The following FASTKD3 variants were observed in gnomAD, a reference collection of about 807,000 sequenced individuals.
FASTKD3 encodes FAST kinase domain-containing protein 3, mitochondrial.
In FASTKD3, 47 loss-of-function variants were observed where a neutral mutation model predicts 49.7. The ratio of observed to expected loss-of-function variants is 0.95; its 90% CI spans 0.75 to 1.21. The LOEUF (loss-of-function observed/expected upper bound fraction) is 1.21, where lower values mean the gene tolerates loss of function less well. Ranked by LOEUF, FASTKD3 falls within the 50% of genes most tolerant of loss-of-function variation. FASTKD3 has a pLI of 0.00. For missense variants in FASTKD3, 748 were observed against 765.7 expected, an observed-to-expected ratio of 0.98 and a Z score of 0.27; for synonymous variants, 284 against 288.6, an observed-to-expected ratio of 0.98 and a Z score of 0.16.
chr5:7,863,286 G>C (rs1359711908), intron 3 of FASTKD3: 1 of 351,150 alleles, frequency 2.8e-6, no homozygotes, highest in African/African-American at 2.2e-5. Flanking sequence ...TGAGGAGAGA[G>C]TGAGAAGAAA....
At chr5:7,861,288 T>C in intron 5 of FASTKD3, 25 bp from the exon 6 acceptor site, 1 of 1,319,182 alleles carries the variant, frequency 7.6e-7, no homozygotes, top group Non-Finnish European at 1.0e-6. Flanking sequence ...AGGAGAAAAA[T>C]ACTTAATTTT....
At chr5:7,866,553 T>G in intron 2 of FASTKD3, 93 bp downstream of exon 2, 1 of 953,792 alleles carries the variant, frequency 1.0e-6, no homozygotes, top group South Asian at 1.6e-5. Flanking sequence ...GAAGAAAAAC[T>G]AAAGGCAACA....
chr5:7,866,330 ATAC>A (rs1561104781), intron 2 of FASTKD3, among the ~76,000 whole-genome samples: 14 of 129,352 alleles, frequency 1.1e-4, no homozygotes, highest in Non-Finnish European at 1.5e-4. Flanking sequence ...AAAAAAAAAG[ATAC>A]AGTTGCTCAC....
intron 3 of FASTKD3, among the ~76,000 whole-genome samples, chr5:7,864,678 T>C (rs1579547926): frequency 1.3e-5 from 2 of 152,252 alleles, no homozygotes; most frequent in East Asian, 3.9e-4. Context: ...AACTTAAATA[T>C]ATGATATGAT....
chr5:7,867,786 G>C lies in FASTKD3; in HGVS notation c.298C>G (p.Gln100Glu). The change falls in exon 2 of 7, where the codon CAG becomes GAG. Residue 100 changes from glutamine (Q) to glutamate (E), a missense_variant. Around this residue, in one of 3 missense-constraint regions of FASTKD3, gnomAD observed 564 missense variants for 562.8 expected, o/e 1.00. Coordinates refer to ENST00000264669, the MANE Select transcript of FASTKD3 (RefSeq NM_024091.4). The part of the protein sequence containing the change: ...LEQNVKNEES[Q>E]MFYRRLSNLT... ...TTGCTCAGTCTCCTGTAAAACATCTGACTCTCCTCATTTTTAACATTTTGT... is the reference window on the plus strand; with the variant it reads ...TTGCTCAGTCTCCTGTAAAACATCTCACTCTCCTCATTTTTAACATTTTGT... 1 of 1,614,160 alleles carries C rather than the reference G, an allele frequency of 6.2e-7. No individual in the cohort carries two copies. Among genetic ancestry groups the C allele is most frequent in the Non-Finnish European group, 8.5e-7 (1 of 1,180,038 alleles).
rs1293337865 is a variant in FASTKD3 at position 7,859,388 on chromosome 5, C to A, written c.*47G>T. On this transcript the variant is annotated 3_prime_UTR_variant, in exon 7 of 7. Coordinates refer to ENST00000264669, the MANE Select transcript of FASTKD3 (RefSeq NM_024091.4). ...TATATTTTTCTTTTAATACTGAGTT[C>A]CATAAAAATGCAAGTTCTTCCATTG... is the stretch of plus-strand genomic sequence containing the variant. 8.3e-7 allele frequency: 1 copy of A among 1,209,214 alleles called. No individual in the cohort carries two copies. Among genetic ancestry groups the A allele is most frequent in the South Asian group, 1.4e-5 (1 of 72,226 alleles). The allele number at this position is 1,209,214 out of a possible 1,614,324, so 74.9% of individuals were successfully genotyped here. A position where few individuals can be genotyped will look rare whatever the true frequency, so the allele number is the denominator to read the frequency against.
Position 7,863,009 on chromosome 5 carries a change from T to C in FASTKD3, c.1525-12A>G. The C allele has an allele frequency of 1.2e-6, 2 of 1,607,392 alleles. No homozygotes were observed. The highest frequency in any genetic ancestry group is 1.7e-6 in the Non-Finnish European group (2 of 1,175,668). On this transcript the variant is annotated splice_polypyrimidine_tract_variant and intron_variant, in intron 3 of 6. Coordinates refer to ENST00000264669, the MANE Select transcript of FASTKD3 (RefSeq NM_024091.4). ...AGGAGTTTTGGACCCTAAAAAATCA[T>C]AAGTGCAAATGTGAGAAAGAAAAAT...
chr5:7,867,937 T>C lies in FASTKD3; in HGVS notation c.147A>G (p.Gln49=). 1 of 1,614,174 alleles carries C rather than the reference T, an allele frequency of 6.2e-7. No homozygotes were observed. Among genetic ancestry groups the C allele is most frequent in the Admixed American group, 1.7e-5 (1 of 60,024 alleles). ...ERLCPWLCSR[Q]PEPFGVKFHH... is the part of the protein sequence containing the mutation. Reference sequence around the variant, plus strand: ...GGAATTTGACCCCGAAAGGCTCAGGTTGTCGTGAACACAACCAAGGGCACA... The same window carrying C: ...GGAATTTGACCCCGAAAGGCTCAGGCTGTCGTGAACACAACCAAGGGCACA... Residue 49 remains glutamine (Q), a synonymous_variant, in exon 2 of 7, where the codon CAA becomes CAG. Transcript: ENST00000264669.
chr5:7,867,443 TC>T lies in FASTKD3; in HGVS notation c.640del (p.Glu214LysfsTer12). On this transcript the variant is annotated frameshift_variant, in exon 2 of 7. Coordinates refer to ENST00000264669, the MANE Select transcript of FASTKD3 (RefSeq NM_024091.4). LOFTEE classifies it high-confidence loss of function. ...CQNRLRKGGM[E>X]VRNLCILGES... ...CCCAAGAATACAAAGATTGCGAACT[TC>T]CATGCCACCTTTTCTGAGACGATTT... The T allele has an allele frequency of 6.2e-7, 1 of 1,614,214 alleles. No homozygotes were observed. Among genetic ancestry groups the T allele is most frequent in the Non-Finnish European group, 8.5e-7 (1 of 1,180,048 alleles).
Position 7,867,304 on chromosome 5 carries a change from AT to A in FASTKD3, c.779del (p.Tyr260LeufsTer18). 1 of 1,613,804 alleles carries A rather than the reference AT, an allele frequency of 6.2e-7. No homozygotes were observed. The highest frequency in any genetic ancestry group is 8.5e-7 in the Non-Finnish European group (1 of 1,180,026). ...TFTPEDIVAL[Y>X]RILQACTEKV... ...TTTCAGTACATGCCTGCAAGATTCT[AT>A]AAAGGGCCACAATATCCTCCGGGGT... On this transcript the variant is annotated frameshift_variant, in exon 2 of 7. Coordinates refer to ENST00000264669, the MANE Select transcript of FASTKD3 (RefSeq NM_024091.4). LOFTEE classifies it high-confidence loss of function.
In FASTKD3 at chr5:7,867,485, A is replaced by G; in HGVS notation, c.599T>C (p.Leu200Pro). The G allele has an allele frequency of 3.7e-6, 6 of 1,614,266 alleles. No individual in the cohort carries two copies. The highest frequency in any genetic ancestry group is 5.1e-6 in the Non-Finnish European group (6 of 1,180,052). ...VDPQSSLLLN[L>P]VAECQNRLRK... Reference sequence around the variant, plus strand: ...GAGACGATTTTGGCATTCTGCCACCAGGTTCAGCAACAGGCTACTTTGAGG... The same window carrying G: ...GAGACGATTTTGGCATTCTGCCACCGGGTTCAGCAACAGGCTACTTTGAGG... Residue 200 changes from leucine to proline, a missense_variant, in exon 2 of 7, where the codon CTG (leucine) becomes CCG (proline). Leu to Pro is a moderately conservative substitution (Grantham distance 98, BLOSUM62 -3). Around this residue, in one of 3 missense-constraint regions of FASTKD3, gnomAD observed 564 missense variants for 562.8 expected, o/e 1.00. Coordinates refer to ENST00000264669, the MANE Select transcript of FASTKD3 (RefSeq NM_024091.4).
chr5:7,866,470 G>A (rs1328389061), intron 2 of FASTKD3, among the ~76,000 whole-genome samples, 176 bp downstream of exon 2: 1 of 152,172 alleles, frequency 6.6e-6, no homozygotes, highest in East Asian at 1.9e-4. Flanking sequence ...CCCTCTACAT[G>A]ATTTCCTAGC....
chr5:7,867,365 A>T lies in FASTKD3; in HGVS notation c.719T>A (p.Ile240Lys). 6.4e-7 allele frequency: 1 copy of T among 1,560,702 alleles called. No homozygotes were observed. Reference sequence around the variant, plus strand: ...CAATTTTTCACCTTGAAGTTGATTTATAATGAGTTCTAGTGTCACACAACC... The same window carrying T: ...CAATTTTTCACCTTGAAGTTGATTTTTAATGAGTTCTAGTGTCACACAACC... ...SSGCVTLELI[I>K]NQLQGEKLET... The change falls in exon 2 of 7, where the codon ATA becomes AAA. Residue 240 changes from isoleucine (I) to lysine (K), a missense_variant. Coordinates refer to ENST00000264669, the MANE Select transcript of FASTKD3 (RefSeq NM_024091.4).
intron 6 of FASTKD3, among the ~76,000 whole-genome samples, chr5:7,859,862 G>A (rs926381811): frequency 6.6e-6 from 1 of 152,206 alleles, no homozygotes; most frequent in African/African-American, 2.4e-5. Context: ...CAAGCTGTAG[G>A]TTGGTGATCT....
In FASTKD3 at chr5:7,867,520, C is replaced by CA. The variant is rs762444352; in HGVS notation, c.563dup (p.Leu188PhefsTer8). ...ACAGGCTACTTTGAGGATCCACATG[C>CA]AACAGAATCAGAGCTTGCAAAGCAG... On this transcript the variant is annotated frameshift_variant, in exon 2 of 7. Coordinates refer to ENST00000264669, the MANE Select transcript of FASTKD3 (RefSeq NM_024091.4). LOFTEE classifies it high-confidence loss of function. The CA allele has an allele frequency of 6.2e-7, 1 of 1,614,236 alleles. No individual in the cohort carries two copies. The highest frequency in any genetic ancestry group is 8.5e-7 in the Non-Finnish European group (1 of 1,180,038).
chr5:7,859,557 T>A lies in FASTKD3; in HGVS notation c.1885-18A>T. On this transcript the variant is annotated intron_variant, in intron 6 of 6. Transcript: ENST00000264669. The stretch of plus-strand genomic sequence containing the variant: ...TAGGGGATCTGTAAAGGTAGAAAAG[T>A]AAAACTGGTCAAGATCCTTCAAAAT... 6.7e-7 allele frequency: 1 copy of A among 1,495,138 alleles called. No homozygotes were observed. Among genetic ancestry groups the A allele is most frequent in the Non-Finnish European group, 9.2e-7 (1 of 1,084,332 alleles). 92.6% of individuals were successfully genotyped at this position (1,495,138 alleles called of 1,614,324 possible).
In FASTKD3 at chr5:7,862,988, G is replaced by C; in HGVS notation, c.1534C>G (p.Leu512Val). 6.2e-7 allele frequency: 1 copy of C among 1,612,724 alleles called. No individual in the cohort carries two copies. The change falls in exon 4 of 7, where the codon CTC becomes GTC. Residue 512 changes from leucine (L) to valine (V), a missense_variant. Transcript: ENST00000264669. Reference protein sequence around the residue: ...LECPFYKGPKLLPKYQVKSFL... With the variant: ...LECPFYKGPKVLPKYQVKSFL... ...GACTTCACTTGATATTTAGGAAGGA[G>C]TTTTGGACCCTAAAAAATCATAAGT...
At chr5:7,866,071 A>C in intron 2 of FASTKD3, 88 bp from the exon 3 acceptor site, 1 of 944,838 alleles carries the variant, frequency 1.1e-6, no homozygotes, top group Non-Finnish European at 1.7e-6. Context: ...CAATTTACAC[A>C]CTCCAGACAG....
intron 3 of FASTKD3, among the ~76,000 whole-genome samples, chr5:7,863,836 C>CT (rs891216906): frequency 1.3e-5 from 2 of 151,092 alleles, no homozygotes; most frequent in South Asian, 2.1e-4. Context: ...ACTTTTTTAC[C>CT]TTTTTTTTTG....
Sources: allele counts gnomAD v4.1 joint callset (sites outside exome capture counted in the v4.1 genomes callset), GRCh38; gene constraint gnomAD v4.1.1; regional missense constraint gnomAD v4.1.1; transcripts MANE v1.5; gene names NCBI Gene and HGNC (gene_info 2026-07-23, HGNC 2026-07-21).